Variants in NAALADL2 observed in about 807,000 individuals in gnomAD.
NAALADL2 encodes inactive N-acetylated-alpha-linked acidic dipeptidase-like protein 2.
A neutral mutation model predicts 87.2 loss-of-function variants in NAALADL2; 76 were observed. The ratio of observed to expected loss-of-function variants is 0.87; its 90% CI spans 0.72 to 1.05. The LOEUF is 1.05. Ranked by LOEUF, NAALADL2 falls within the 50% of genes least tolerant of loss-of-function variation. NAALADL2 has a pLI of 0.00. For synonymous variants in NAALADL2, 354 were observed against 331.0 expected (o/e 1.07, Z -0.75); for missense variants, 1,089 against 945.8 (o/e 1.15, Z -1.99).
At chr3:175,250,764 A>G (rs7622037) in intron 3 of NAALADL2, among the ~76,000 whole-genome samples, 53,215 of 152,074 alleles carry the variant, frequency 0.35, 9,457 homozygotes, top group South Asian at 0.43. Flanking sequence ...CAAGATTGCT[A>G]TCTGAAGAAA....
chr3:175,482,661 T>C (rs1726658945), intron 9 of NAALADL2, among the ~76,000 whole-genome samples: 1 of 151,928 alleles, frequency 6.6e-6, no homozygotes, highest in African/African-American at 2.4e-5. Context: ...TTAATTCATG[T>C]CTATGTTTTC....
At chr3:174,610,001 A>T (rs1011320548) in intron 2 of NAALADL2, among the ~76,000 whole-genome samples, 51 of 152,280 alleles carry the variant, frequency 3.3e-4, no homozygotes, top group Non-Finnish European at 1.6e-4. Flanking sequence ...GCCCTCAGAA[A>T]TAATGCCGTA....
At chr3:175,679,682 C>T (rs976319373) in intron 11 of NAALADL2, among the ~76,000 whole-genome samples, 5 of 152,044 alleles carry the variant, frequency 3.3e-5, no homozygotes, top group South Asian at 4.1e-4. Context: ...CCAGTCAATA[C>T]GAAATCTGTT....
intron 5 of NAALADL2, among the ~76,000 whole-genome samples, chr3:175,423,858 T>C (rs941370094): frequency 2.0e-5 from 3 of 152,186 alleles, no homozygotes; most frequent in East Asian, 1.9e-4. Flanking sequence ...TCCACAATGG[T>C]TGAACTAGTT....
At chr3:175,405,667 A>G (rs1482351151) in intron 5 of NAALADL2, among the ~76,000 whole-genome samples, 1 of 151,954 alleles carries the variant, frequency 6.6e-6, no homozygotes, top group African/African-American at 2.4e-5. Flanking sequence ...CTTTACACAC[A>G]TTTTGCTGGA....
At chr3:174,992,527 GT>G (rs986806500) in intron 1 of NAALADL2, among the ~76,000 whole-genome samples, 1 of 151,946 alleles carries the variant, frequency 6.6e-6, no homozygotes, top group African/African-American at 2.4e-5. Flanking sequence ...AACTCAACAT[GT>G]TTTTACAGTT....
chr3:175,599,085 T>C (rs1338058959), intron 10 of NAALADL2, among the ~76,000 whole-genome samples: 1 of 152,118 alleles, frequency 6.6e-6, no homozygotes, highest in Non-Finnish European at 1.5e-5. Context: ...TCAGTGGCAA[T>C]AACATATTAG....
At chr3:174,736,835 G>T (rs1024267463) in intron 2 of NAALADL2, among the ~76,000 whole-genome samples, 2 of 152,142 alleles carry the variant, frequency 1.3e-5, no homozygotes, top group Non-Finnish European at 2.9e-5. Flanking sequence ...GTGCTGAGGG[G>T]CCCCTGCAGT....
chr3:175,554,698 C>T (rs1267031523), intron 9 of NAALADL2, among the ~76,000 whole-genome samples: 1 of 151,918 alleles, frequency 6.6e-6, no homozygotes, highest in African/African-American at 2.4e-5. Flanking sequence ...GGGTTAACAA[C>T]TTTAGAAATC....
At chr3:175,734,546 G>T (rs763568545) in intron 11 of NAALADL2, among the ~76,000 whole-genome samples, 1 of 152,002 alleles carries the variant, frequency 6.6e-6, no homozygotes, top group Non-Finnish European at 1.5e-5. Context: ...AACAGAGCGA[G>T]ACTCCGTTTC....
At chr3:175,345,368 T>A (rs1560401459) in intron 5 of NAALADL2, among the ~76,000 whole-genome samples, 5 of 152,146 alleles carry the variant, frequency 3.3e-5, no homozygotes, top group Admixed American at 2.0e-4. Context: ...AAGGAAGGGA[T>A]AATATTTTAG....
intron 11 of NAALADL2, among the ~76,000 whole-genome samples, chr3:175,720,853 T>G (rs1323727946): frequency 6.6e-6 from 1 of 152,114 alleles, no homozygotes; most frequent in Non-Finnish European, 1.5e-5. Context: ...GAAATAAAGA[T>G]ATTTTAGAAA....
At chr3:175,263,812 A>G (rs1389681729) in intron 4 of NAALADL2, among the ~76,000 whole-genome samples, 2 of 151,602 alleles carry the variant, frequency 1.3e-5, no homozygotes, top group African/African-American at 4.8e-5. Context: ...TTCGCCCCCT[A>G]AAAGTACCCA....
rs62284661 is a variant in NAALADL2 at position 174,578,165 on chromosome 3, A to G, written c.-115+27528A>G. Among the ~76,000 whole-genome samples the G allele has an allele frequency of 5.4e-3, 815 of 152,132 alleles. 4 individuals carry two copies. The highest frequency in any genetic ancestry group is 8.4e-3 in the Admixed American group (128 of 15,266). On this transcript the variant is annotated intron_variant, in intron 2 of 3. Coordinates refer to the NAALADL2 transcript ENST00000434257. ...AATGCTATGAGTCTAGCATATCTGT[A>G]TTTGCTATTTCAGAAAAAGAGGAGA...
At chr3:174,844,834 G>GTTTTTTTTTTTTTTTTTTTTTT (rs1560280732) in intron 3 of NAALADL2, among the ~76,000 whole-genome samples, 1 of 76,448 alleles carries the variant, frequency 1.3e-5, no homozygotes, top group African/African-American at 6.5e-5. Context: ...TAGTTCTAAT[G>GTTTTTTTTTTTTTTTTTTTTTT]GTTTTTTTTT....
At chr3:175,523,531 A>T (rs1362004367) in intron 9 of NAALADL2, among the ~76,000 whole-genome samples, 1 of 152,232 alleles carries the variant, frequency 6.6e-6, no homozygotes, top group Non-Finnish European at 1.5e-5. Context: ...GTGCCGCAAA[A>T]GAAATAGCAC....
In NAALADL2 at chr3:175,452,143, A is replaced by G. The variant is rs1721668287; in HGVS notation, c.1234+4771A>G. ...TTGTGTATTCTTACATATGAAACTA[A>G]TCAATGTGTTCAGAGCAGCTTCAGA... On this transcript the variant is annotated intron_variant, in intron 6 of 13. Coordinates refer to ENST00000454872, the MANE Select transcript of NAALADL2 (RefSeq NM_207015.3). Among the ~76,000 whole-genome samples the G allele has an allele frequency of 2.0e-5, 3 of 152,308 alleles. No homozygotes were observed. In the South Asian group the frequency reaches 6.2e-4, roughly 32 times the overall value.
chr3:175,703,837 TTGACA>T (rs1225288144), intron 11 of NAALADL2, among the ~76,000 whole-genome samples: 1 of 152,188 alleles, frequency 6.6e-6, no homozygotes, highest in Non-Finnish European at 1.5e-5. Flanking sequence ...TTTCATCTCT[TTGACA>T]TGATGAATTT....
chr3:174,885,692 G>C (rs1031183906), intron 1 of NAALADL2, among the ~76,000 whole-genome samples: 1 of 151,546 alleles, frequency 6.6e-6, no homozygotes, highest in South Asian at 2.1e-4. Context: ...TTAATATTCT[G>C]TTCCTCTAGA....
Sources: allele counts gnomAD v4.1 joint callset (sites outside exome capture counted in the v4.1 genomes callset), GRCh38; gene constraint gnomAD v4.1.1; transcripts MANE v1.5; gene names NCBI Gene and HGNC (gene_info 2026-07-23, HGNC 2026-07-21).